Variants in HMG20A observed in about 807,000 individuals in gnomAD.
HMG20A encodes high mobility group protein 20A.
In HMG20A, 17 loss-of-function variants were observed where a neutral mutation model predicts 43.9. The observed-to-expected ratio is 0.39, with a 90% confidence interval of 0.27 to 0.58. The LOEUF (loss-of-function observed/expected upper bound fraction) is 0.58, where lower values mean the gene tolerates loss of function less well. Among genes scored for constraint, HMG20A ranks in the 20% least tolerant of loss-of-function variants. HMG20A has a pLI of 0.59. For synonymous variants in HMG20A, 132 were observed against 147.5 expected (o/e 0.89, Z 0.76); for missense variants, 341 against 438.2 (o/e 0.78, Z 1.98).
At chr15:77,428,527 G>A (rs2073449749) in intron 1 of HMG20A, among the ~76,000 whole-genome samples, 1 of 152,166 alleles carries the variant, frequency 6.6e-6, no homozygotes, top group Non-Finnish European at 1.5e-5. Context: ...CATTTTTATT[G>A]AAGTATGGTA....
intron 1 of HMG20A, among the ~76,000 whole-genome samples, chr15:77,457,216 T>G (rs957425949): frequency 2.0e-5 from 3 of 152,252 alleles, no homozygotes; most frequent in Non-Finnish European, 4.4e-5. Flanking sequence ...CCTCGTGTCA[T>G]CGGCATTTTC....
the HMG20A span, among the ~76,000 whole-genome samples, chr15:77,495,275 T>C: frequency 1.3e-5 from 2 of 152,270 alleles, no homozygotes; most frequent in East Asian, 1.9e-4. Flanking sequence ...CCAGCAGGCG[T>C]GGTGGCTCAC....
chr15:77,494,283 C>T, the HMG20A span, among the ~76,000 whole-genome samples: 1 of 152,230 alleles, frequency 6.6e-6, no homozygotes, highest in Middle Eastern at 3.4e-3. Flanking sequence ...ATGTGCACTA[C>T]CATGCCTGGC....
intron 1 of HMG20A, among the ~76,000 whole-genome samples, chr15:77,426,834 GAA>G (rs890601775): frequency 1.3e-5 from 2 of 152,134 alleles, no homozygotes; most frequent in African/African-American, 4.8e-5. Context: ...ATCCTAGAGA[GAA>G]ATATAAGCAG....
At chr15:77,502,399 C>T in the HMG20A span, among the ~76,000 whole-genome samples, 2 of 152,242 alleles carry the variant, frequency 1.3e-5, no homozygotes, top group Non-Finnish European at 2.9e-5. Context: ...TCCTCTCTAT[C>T]TAAATCCTAC....
intron 1 of HMG20A, among the ~76,000 whole-genome samples, chr15:77,443,725 C>T (rs1295329166): frequency 4.8e-5 from 7 of 147,270 alleles, no homozygotes; most frequent in East Asian, 2.0e-4. Flanking sequence ...ATTATTATTA[C>T]GACAGGGTCT....
chr15:77,504,269 GCT>G, the HMG20A span, among the ~76,000 whole-genome samples: 1 of 152,226 alleles, frequency 6.6e-6, no homozygotes, highest in Non-Finnish European at 1.5e-5. Context: ...AGGCAGCTGG[GCT>G]CTTTGTCTGC....
intron 3 of HMG20A, among the ~76,000 whole-genome samples, chr15:77,466,869 G>A (rs899070458): frequency 2.6e-5 from 4 of 152,188 alleles, no homozygotes; most frequent in Non-Finnish European, 5.9e-5. Flanking sequence ...TTTGTAGTGT[G>A]ATACATAAAA....
intron 1 of HMG20A, among the ~76,000 whole-genome samples, chr15:77,439,228 T>C (rs887938942): frequency 2.6e-5 from 4 of 152,244 alleles, no homozygotes; most frequent in African/African-American, 9.6e-5. Context: ...GTGATCTTTG[T>C]GGGACCTTCT....
At chr15:77,431,569 A>G (rs1024144117) in intron 1 of HMG20A, among the ~76,000 whole-genome samples, 1 of 152,084 alleles carries the variant, frequency 6.6e-6, no homozygotes, top group African/African-American at 2.4e-5. Context: ...GTACAGCATG[A>G]TGTTTTGAAA....
intron 1 of HMG20A, among the ~76,000 whole-genome samples, chr15:77,448,777 C>T (rs1233294864): frequency 6.6e-6 from 1 of 151,998 alleles, no homozygotes; most frequent in Non-Finnish European, 1.5e-5. Context: ...GGGTAGCCTA[C>T]CAACATTTTA....
chr15:77,502,782 A>G, the HMG20A span, among the ~76,000 whole-genome samples: 1 of 152,184 alleles, frequency 6.6e-6, no homozygotes, highest in Non-Finnish European at 1.5e-5. Context: ...AGCATGGGCA[A>G]CATAGTGAGA....
At chr15:77,465,263 A>G in intron 3 of HMG20A, among the ~76,000 whole-genome samples, 1 of 136,986 alleles carries the variant, frequency 7.3e-6, no homozygotes, top group African/African-American at 2.5e-5. Context: ...TTCGTCTCAA[A>G]AAAAAAAAAA....
intron 4 of HMG20A, among the ~76,000 whole-genome samples, chr15:77,468,301 AT>A (rs1247198280): frequency 1.6e-4 from 25 of 152,216 alleles, no homozygotes; most frequent in Admixed American, 6.5e-5. Flanking sequence ...GAATACAGAA[AT>A]GTATAAACAA....
the HMG20A span, among the ~76,000 whole-genome samples, chr15:77,510,011 T>C: frequency 6.6e-6 from 1 of 152,170 alleles, no homozygotes; most frequent in African/African-American, 2.4e-5. Context: ...GGAAGGTTTC[T>C]ACCAGGGTTT....
chr15:77,438,825 C>T (rs951643248), intron 1 of HMG20A, among the ~76,000 whole-genome samples: 5 of 152,056 alleles, frequency 3.3e-5, no homozygotes, highest in African/African-American at 1.2e-4. Context: ...GGAGTCTCCT[C>T]TGTCACCCAG....
At chr15:77,424,753 T>C (rs1270661014) in intron 1 of HMG20A, among the ~76,000 whole-genome samples, 1 of 152,196 alleles carries the variant, frequency 6.6e-6, no homozygotes, top group Non-Finnish European at 1.5e-5. Context: ...CTAATTTCCA[T>C]GATTAGAAGA....
intron 2 of HMG20A, among the ~76,000 whole-genome samples, chr15:77,462,447 A>G (rs1323543994): frequency 2.0e-5 from 3 of 151,996 alleles, no homozygotes; most frequent in African/African-American, 4.8e-5. Flanking sequence ...AGCACTGCCC[A>G]TTATTTCCAT....
At chr15:77,440,050 T>G (rs2142291938) in intron 1 of HMG20A, among the ~76,000 whole-genome samples, 1 of 152,346 alleles carries the variant, frequency 6.6e-6, no homozygotes, top group African/African-American at 2.4e-5. Context: ...ATCTTAGTGA[T>G]ATTTAGGAGT....
Sources: gnomAD v4.1 joint callset for allele counts (sites outside exome capture counted in the v4.1 genomes callset) on GRCh38, gnomAD v4.1.1 for gene constraint, MANE v1.5 for transcripts, NCBI Gene and HGNC (gene_info 2026-07-23, HGNC 2026-07-21) for gene names.